Variants in TMEM192 observed in about 807,000 individuals in gnomAD.
The protein encoded by TMEM192 is transmembrane protein 192.
TMEM192 carries 20 observed loss-of-function variants against 26.7 expected under a neutral mutation model. That is an observed-to-expected ratio of 0.75 (90% CI 0.53 to 1.09). TMEM192 has a LOEUF of 1.09. TMEM192 is among the 50% of genes least tolerant of loss of function. The probability of loss-of-function intolerance (pLI) is 0.00; values close to 1 mark genes in which losing one functional copy is unlikely to be tolerated. For synonymous variants in TMEM192, 124 were observed against 121.0 expected, an observed-to-expected ratio of 1.02 and a Z score of -0.16; for missense variants, 304 against 322.6, an observed-to-expected ratio of 0.94 and a Z score of 0.44.
chr4:165,089,076 A>ATGAAAGAC (rs1294886337), intron 3 of TMEM192, among the ~76,000 whole-genome samples: 1 of 150,150 alleles, frequency 6.7e-6, no homozygotes, highest in Non-Finnish European at 1.5e-5. Context: ...AGGAAAAGAA[A>ATGAAAGAC]TGAAAGACCC....
intron 5 of TMEM192, among the ~76,000 whole-genome samples, chr4:165,085,232 C>G (rs1472076326): frequency 6.7e-6 from 1 of 149,028 alleles, no homozygotes; most frequent in Non-Finnish European, 1.5e-5. Context: ...AAGATCATGC[C>G]ACTGCACTCC....
chr4:165,084,767 G>T (rs1734571660), intron 5 of TMEM192, among the ~76,000 whole-genome samples: 3 of 151,008 alleles, frequency 2.0e-5, no homozygotes, highest in Non-Finnish European at 4.4e-5. Flanking sequence ...AAATTAGCTG[G>T]GCATGTATAG....
intron 4 of TMEM192, among the ~76,000 whole-genome samples, 154 bp from the exon 5 acceptor site, chr4:165,085,842 A>G (rs1734602206): frequency 6.6e-6 from 1 of 152,182 alleles, no homozygotes; most frequent in Non-Finnish European, 1.5e-5. Flanking sequence ...GAATATAGGG[A>G]TTACATTAGT....
In TMEM192 at chr4:165,079,363, A is replaced by G. The variant is rs1282221820; in HGVS notation, c.*295T>C. Reference sequence around the variant, plus strand: ...TCTAATGTCAGGTGGAAAAGTGTTGACTATGGAGTTGTTTAGCCTCTGATC... The same window carrying G: ...TCTAATGTCAGGTGGAAAAGTGTTGGCTATGGAGTTGTTTAGCCTCTGATC... On this transcript the variant is annotated 3_prime_UTR_variant, in exon 6 of 6. Coordinates refer to ENST00000306480, the MANE Select transcript of TMEM192 (RefSeq NM_001100389.2). 2 of 280,852 alleles carry G rather than the reference A, an allele frequency of 7.1e-6. No individual in the cohort carries two copies. Among genetic ancestry groups the G allele is most frequent in the Non-Finnish European group, 1.3e-5 (2 of 151,956 alleles). The allele number at this position is 280,852 out of a possible 1,614,324, so 17.4% of individuals were successfully genotyped here. A position where few individuals can be genotyped will look rare whatever the true frequency, so the allele number is the denominator to read the frequency against.
chr4:165,101,454 C>T (rs1381603695), intron 2 of TMEM192, among the ~76,000 whole-genome samples: 1 of 152,078 alleles, frequency 6.6e-6, no homozygotes, highest in African/African-American at 2.4e-5. Context: ...GCAGCCTCAA[C>T]CTCCTGGGCT....
rs1484678149 is a variant in TMEM192, at chr4:165,073,881, C to T, written c.*5777G>A. On this transcript the variant is annotated 3_prime_UTR_variant, in exon 6 of 6. Coordinates refer to ENST00000306480, the MANE Select transcript of TMEM192 (RefSeq NM_001100389.2). ...TCCTTTGCTCACGTTTCCCTGCTGA[C>T]CTTCTCCCCACCTGTTGCCCCGCTA... 6.6e-6 allele frequency: 1 copy of T among 152,144 alleles called. No individual in the cohort carries two copies. The highest frequency in any genetic ancestry group is 2.4e-5 in the African/African-American group (1 of 41,410). The allele number at this position is 152,144 out of a possible 1,614,324, so 9.4% of individuals were successfully genotyped here.
chr4:165,099,855 G>A (rs1407610403), intron 3 of TMEM192, among the ~76,000 whole-genome samples: 2 of 152,116 alleles, frequency 1.3e-5, no homozygotes, highest in Admixed American at 1.3e-4. Flanking sequence ...AGGCTGAGGT[G>A]GGAGGATTGC....
chr4:165,095,545 C>T (rs1734873578), intron 3 of TMEM192, among the ~76,000 whole-genome samples: 1 of 152,160 alleles, frequency 6.6e-6, no homozygotes, highest in South Asian at 2.1e-4. Context: ...TCGGGTCCTA[C>T]AATTCCTGCC....
rs1352624832 is a variant in TMEM192, at chr4:165,070,661, A to C, written c.*8997T>G. On this transcript the variant is annotated 3_prime_UTR_variant, in exon 6 of 6. Coordinates refer to ENST00000306480, the MANE Select transcript of TMEM192 (RefSeq NM_001100389.2). ...ATGTTGTTATTTTTTAGTGTATCCT[A>C]GACATAAACTTTTAAACAAGACCTT... The C allele has an allele frequency of 6.6e-6, 1 of 152,148 alleles. No individual in the cohort carries two copies. Among genetic ancestry groups the C allele is most frequent in the Non-Finnish European group, 1.5e-5 (1 of 68,032 alleles). The allele number at this position is 152,148 out of a possible 1,614,324, so 9.4% of individuals were successfully genotyped here.
intron 1 of TMEM192, 56 bp from the exon 2 acceptor site, chr4:165,103,152 A>G: frequency 6.7e-7 from 1 of 1,482,594 alleles, no homozygotes; most frequent in Non-Finnish European, 9.0e-7. Flanking sequence ...TTATGTTTCT[A>G]AGACAAATCT....
rs1426259145 is a variant in TMEM192, at chr4:165,083,614, TA to T, written c.677+1971del. 5.0e-5 allele frequency among the ~76,000 whole-genome samples: 2 copies of T among 40,284 alleles called. 1 individual carries two copies. The highest frequency in any genetic ancestry group is 1.9e-4 in the Non-Finnish European group (2 of 10,608). The allele number at this position is 40,284 out of a possible 152,430, so 26.4% of individuals were successfully genotyped here. ...TAAGTATTTATATTCCACACTATAA[TA>T]AAAAGCAATGTGCATCCTGATTCAA... On this transcript the variant is annotated intron_variant, in intron 5 of 5. Coordinates refer to ENST00000306480, the MANE Select transcript of TMEM192 (RefSeq NM_001100389.2).
chr4:165,098,421 A>G lies in TMEM192; in HGVS notation c.439+2207T>C, dbSNP rs532898076. On this transcript the variant is annotated intron_variant, in intron 3 of 5. Transcript: ENST00000306480. ...ATTATAGGCGTGAGCCACCACGCCCAGGAATTTCTTTTTTTTTTTAAAACT... is the reference window on the plus strand; with the variant it reads ...ATTATAGGCGTGAGCCACCACGCCCGGGAATTTCTTTTTTTTTTTAAAACT... Among the ~76,000 whole-genome samples, 42 of 151,692 alleles carry G rather than the reference A, an allele frequency of 2.8e-4. 1 individual carries two copies. The East Asian group carries it at 8.0e-3, about 29-fold the overall frequency.
intron 1 of TMEM192, among the ~76,000 whole-genome samples, chr4:165,107,796 C>A (rs572135516): frequency 6.6e-6 from 1 of 152,170 alleles, no homozygotes; most frequent in African/African-American, 2.4e-5. Flanking sequence ...CTCTGCGGTG[C>A]CTTTTTAGCA....
At chr4:165,095,895 C>G (rs1734884688) in intron 3 of TMEM192, among the ~76,000 whole-genome samples, 1 of 151,900 alleles carries the variant, frequency 6.6e-6, no homozygotes, top group South Asian at 2.1e-4. Context: ...CTGCCTCAGC[C>G]TCCTGAGTAG....
Position 165,090,977 on chromosome 4 carries a change from G to A in TMEM192, c.440-2375C>T, listed in dbSNP as rs1171414841. Among the ~76,000 whole-genome samples the A allele has an allele frequency of 2.1e-5, 3 of 143,258 alleles. No homozygotes were observed. In the South Asian group the frequency reaches 7.0e-4, roughly 33 times the overall value. The allele number at this position is 143,258 out of a possible 152,430, so 94.0% of individuals were successfully genotyped here. A position where few individuals can be genotyped will look rare whatever the true frequency, so the allele number is the denominator to read the frequency against. On this transcript the variant is annotated intron_variant, in intron 3 of 5. Transcript: ENST00000306480. Reference sequence around the variant, plus strand: ...AGCTGGTAGGTCAGAAGTACGGGAAGCATAGTGGCCAGGCACGGTGGCTCA... The same window carrying A: ...AGCTGGTAGGTCAGAAGTACGGGAAACATAGTGGCCAGGCACGGTGGCTCA...
At chr4:165,085,719 T>C (rs1734598739) in intron 4 of TMEM192, 31 bp from the exon 5 acceptor site, 1 of 1,459,264 alleles carries the variant, frequency 6.9e-7, no homozygotes, top group Non-Finnish European at 9.4e-7. Context: ...TTAGATCGAA[T>C]TCTGAAAGAC....
At position 165,071,807 on chromosome 4, in the gene TMEM192, T is replaced by C. The variant is rs1234111245; in HGVS notation, c.*7851A>G. ...TTTTCTAGGTCCCTGAAGGCCACTG[T>C]CCAGGCTTTGGCTTTTACTGAATGA... On this transcript the variant is annotated 3_prime_UTR_variant, in exon 6 of 6. Coordinates refer to ENST00000306480, the MANE Select transcript of TMEM192 (RefSeq NM_001100389.2). The C allele has an allele frequency of 2.0e-5, 3 of 152,436 alleles. No homozygotes were observed. The highest frequency in any genetic ancestry group is 7.2e-5 in the African/African-American group (3 of 41,432). 9.4% of individuals were successfully genotyped at this position (152,436 alleles called of 1,614,324 possible). A position where few individuals can be genotyped will look rare whatever the true frequency, so the allele number is the denominator to read the frequency against.
At chr4:165,100,552 T>A in intron 3 of TMEM192, 76 bp downstream of exon 3, 1 of 1,487,066 alleles carries the variant, frequency 6.7e-7, no homozygotes. Context: ...GATTCTAAAA[T>A]CAAACTTCAT....
intron 3 of TMEM192, among the ~76,000 whole-genome samples, chr4:165,090,699 G>T (rs183153260): frequency 7.5e-4 from 114 of 151,962 alleles, no homozygotes; most frequent in African/African-American, 2.5e-3. Context: ...GAGGTCAGGA[G>T]TTCGAGAGCA....
Sources: allele counts gnomAD v4.1 joint callset (sites outside exome capture counted in the v4.1 genomes callset), GRCh38; gene constraint gnomAD v4.1.1; transcripts MANE v1.5; gene names NCBI Gene and HGNC (gene_info 2026-07-23, HGNC 2026-07-21).